Variants in KALRN observed in about 807,000 individuals in gnomAD.
The protein encoded by KALRN is kalirin.
In KALRN, 70 loss-of-function variants were observed where a neutral mutation model predicts 353.7. The observed-to-expected ratio is 0.20, with a 90% confidence interval of 0.16 to 0.24. The LOEUF (loss-of-function observed/expected upper bound fraction) is 0.24. Ranked by LOEUF, KALRN falls within the 10% of genes least tolerant of loss-of-function variation. The pLI is 1.00. For missense variants in KALRN, 2,791 were observed against 3,756.7 expected, an observed-to-expected ratio of 0.74 and a Z score of 6.72; for synonymous variants, 1,391 against 1,434.8, an observed-to-expected ratio of 0.97 and a Z score of 0.69.
rs541137706 is a variant in KALRN at position 124,332,244 on chromosome 3, G to A, written c.1417-2021G>A. Among the ~76,000 whole-genome samples the A allele has an allele frequency of 9.9e-5, 15 of 152,116 alleles. No homozygotes were observed. The Middle Eastern group carries it at 0.017, about 172-fold the overall frequency. On this transcript the variant is annotated intron_variant, in intron 8 of 59. Coordinates refer to ENST00000682506, the MANE Select transcript of KALRN (RefSeq NM_001388419.1). ...TGAAAGCATTTCTGTGGCCCCATGG[G>A]CAGGAGTAACATCTGCTTCTGTATT...
rs192305728 is a variant in KALRN at position 124,643,025 on chromosome 3, C to T, written c.5664+5722C>T. ...AGAGACAGGGTTTCTCCATGTTGGTCAGGCTGGTCTTGAACTCTCAACCTC... is the reference window on the plus strand; with the variant it reads ...AGAGACAGGGTTTCTCCATGTTGGTTAGGCTGGTCTTGAACTCTCAACCTC... On this transcript the variant is annotated intron_variant, in intron 37 of 59. Transcript: ENST00000682506. Among the ~76,000 whole-genome samples, 988 of 152,026 alleles carry T rather than the reference C, an allele frequency of 6.5e-3. 15 individuals carry two copies. Among genetic ancestry groups the T allele is most frequent in the African/African-American group, 0.022 (906 of 41,422 alleles).
intron 1 of KALRN, chr3:124,095,001 A>T: frequency 1.8e-6 from 2 of 1,141,666 alleles, no homozygotes; most frequent in Non-Finnish European, 2.6e-6. Flanking sequence ...CAGAGAGGGG[A>T]GGGGGGTCAA....
intron 34 of KALRN, among the ~76,000 whole-genome samples, chr3:124,584,087 A>G (rs568209468): frequency 8.5e-5 from 13 of 152,294 alleles, no homozygotes; most frequent in Non-Finnish European, 1.6e-4. Context: ...GAAACTGAAG[A>G]TAAAAGGTGA....
Position 124,452,868 on chromosome 3 carries a change from T to C in KALRN, c.3553-2309T>C, listed in dbSNP as rs541262079. Among the ~76,000 whole-genome samples, 18 of 152,334 alleles carry C rather than the reference T, an allele frequency of 1.2e-4. No homozygotes were observed. In the South Asian group the frequency reaches 1.7e-3, roughly 14 times the overall value. On this transcript the variant is annotated intron_variant, in intron 21 of 59. Transcript: ENST00000682506. ...ATAATTTTCTCTGGTAGAGCTGCCCTAGTATGGCTGCTGCCACCAGCTGGC... is the reference window on the plus strand; with the variant it reads ...ATAATTTTCTCTGGTAGAGCTGCCCCAGTATGGCTGCTGCCACCAGCTGGC...
chr3:124,406,160 C>T (rs765345696), intron 13 of KALRN, among the ~76,000 whole-genome samples: 8 of 152,172 alleles, frequency 5.3e-5, no homozygotes, highest in South Asian at 2.1e-4. Flanking sequence ...CTTTGCTTTT[C>T]TGGAAATTTC....
chr3:124,085,387 A>G (rs1380673532), intron 1 of KALRN, among the ~76,000 whole-genome samples: 1 of 152,214 alleles, frequency 6.6e-6, no homozygotes, highest in Non-Finnish European at 1.5e-5. Context: ...TGACAAATGA[A>G]TGATCTGAGA....
chr3:124,695,543 G>A lies in KALRN; in HGVS notation c.7578-591G>A, dbSNP rs569778827. Among the ~76,000 whole-genome samples, 9 of 152,256 alleles carry A rather than the reference G, an allele frequency of 5.9e-5. No individual in the cohort carries two copies. In the East Asian group the frequency reaches 1.7e-3, roughly 29 times the overall value. On this transcript the variant is annotated intron_variant, in intron 53 of 59. Transcript: ENST00000682506. Reference sequence around the variant, plus strand: ...GGGGATATCATAACCCTAGGGAAGGGGCAGAGCTGACTGTGACTTCTGTAT... The same window carrying A: ...GGGGATATCATAACCCTAGGGAAGGAGCAGAGCTGACTGTGACTTCTGTAT...
In KALRN at chr3:124,658,452, G is replaced by C. The variant is rs139149462; in HGVS notation, c.6058G>C (p.Val2020Leu). ...IKHERKLHIY[V>L]WYCQNKPRSE... ...TCAGGAGCGGAAGCTGCACATCTAC[G>C]TGTGGTATTGTCAGAATAAGCCGCG... The change falls in exon 42 of 60, where the codon GTG becomes CTG. Residue 2020 changes from valine to leucine, a missense_variant. This residue lies in a region of KALRN where 1,065 missense variants were observed against 1,156.4 expected (regional missense o/e 0.92). Transcript: ENST00000682506. 3.1e-6 allele frequency: 5 copies of C among 1,613,664 alleles called. No homozygotes were observed. Among genetic ancestry groups the C allele is most frequent in the Non-Finnish European group, 4.2e-6 (5 of 1,179,678 alleles).
At chr3:124,326,231 G>T (rs964329767) in intron 7 of KALRN, 60 bp downstream of exon 7, 12 of 1,480,682 alleles carry the variant, frequency 8.1e-6, no homozygotes, top group African/African-American at 1.4e-5. Flanking sequence ...ATGGGCAGGG[G>T]AGGGCTGGAT....
chr3:124,463,641 A>G (rs1415140992), intron 25 of KALRN, among the ~76,000 whole-genome samples: 1 of 152,228 alleles, frequency 6.6e-6, no homozygotes, highest in African/African-American at 2.4e-5. Context: ...TAAATAGACC[A>G]CAAGTAGCAA....
intron 7 of KALRN, 133 bp from the exon 8 acceptor site, chr3:124,329,728 C>T (rs1010562481): frequency 9.6e-6 from 9 of 941,894 alleles, no homozygotes; most frequent in African/African-American, 3.4e-5. Context: ...AAAACTCTAC[C>T]CTCTACAGTG....
In KALRN at chr3:124,666,454, TCTGA is replaced by T; in HGVS notation, c.6355_6358del (p.Thr2119LeufsTer13). On this transcript the variant is annotated frameshift_variant, in exon 46 of 60. Transcript: ENST00000682506. LOFTEE classifies it high-confidence loss of function. Reference sequence around the variant, plus strand: ...CCAGCCCGTCTTTCCTTCAGGGCACTCTGACTGCTCAGGGGAAGCTGCTGCAGCA... The same window carrying T: ...CCAGCCCGTCTTTCCTTCAGGGCACTCTGCTCAGGGGAAGCTGCTGCAGCA... The T allele has an allele frequency of 6.2e-7, 1 of 1,613,880 alleles. No individual in the cohort carries two copies. The highest frequency in any genetic ancestry group is 2.2e-5 in the East Asian group (1 of 44,870).
At chr3:124,428,473 G>C (rs2093127537) in intron 15 of KALRN, among the ~76,000 whole-genome samples, 2 of 152,176 alleles carry the variant, frequency 1.3e-5, no homozygotes, top group South Asian at 4.1e-4. Flanking sequence ...GAGACTCAGA[G>C]GGGTTAAGTG....
chr3:124,368,644 A>G (rs1283395195), intron 10 of KALRN, among the ~76,000 whole-genome samples: 1 of 147,552 alleles, frequency 6.8e-6, no homozygotes, highest in Admixed American at 6.7e-5. Context: ...GACACTCCTC[A>G]CTTCCCAGAC....
At chr3:124,319,350 A>G (rs973378658) in intron 6 of KALRN, among the ~76,000 whole-genome samples, 5 of 151,498 alleles carry the variant, frequency 3.3e-5, no homozygotes, top group African/African-American at 4.8e-5. Context: ...AAAAATACCA[A>G]TAAACCCCTA....
At chr3:124,312,933 G>A (rs1351425459) in intron 6 of KALRN, among the ~76,000 whole-genome samples, 1 of 152,200 alleles carries the variant, frequency 6.6e-6, no homozygotes, top group Non-Finnish European at 1.5e-5. Context: ...CTAAATAAAC[G>A]CTTGTTGAAT....
intron 51 of KALRN, among the ~76,000 whole-genome samples, chr3:124,692,109 C>G (rs2061845415): frequency 6.6e-6 from 1 of 152,232 alleles, no homozygotes; most frequent in South Asian, 2.1e-4. Context: ...AATGCCCAGG[C>G]CCCACCTCAC....
chr3:124,438,905 G>A lies in KALRN; in HGVS notation c.3066G>A (p.Glu1022=), dbSNP rs2093571091. 1 of 1,613,940 alleles carries A rather than the reference G, an allele frequency of 6.2e-7. No homozygotes were observed. The highest frequency in any genetic ancestry group is 2.2e-5 in the East Asian group (1 of 44,858). ...KTSEQVCSVL[E]SLEQEYRRDE... ...TTCACTAGGTGTGTAGTGTCCTGGA[G>A]AGCTTAGAGCAAGAATACCGGAGAG... The change falls in exon 18 of 60, where the codon GAG becomes GAA. Residue 1022 remains glutamate (E), a synonymous_variant. Transcript: ENST00000682506.
chr3:124,574,300 A>C (rs1367469577), intron 34 of KALRN, among the ~76,000 whole-genome samples: 1 of 152,238 alleles, frequency 6.6e-6, no homozygotes, highest in African/African-American at 2.4e-5. Context: ...GTGTCCATGG[A>C]AAGAGCTGGT....
Sources: gnomAD v4.1 joint callset for allele counts (sites outside exome capture counted in the v4.1 genomes callset) on GRCh38, gnomAD v4.1.1 for gene constraint, gnomAD v4.1.1 regional missense constraint, MANE v1.5 for transcripts, NCBI Gene and HGNC (gene_info 2026-07-23, HGNC 2026-07-21) for gene names.